The following C8B variants were observed in gnomAD, a reference collection of about 807,000 sequenced individuals.
The protein encoded by C8B is complement C8 beta chain, also known as complement component C8 beta chain.
In C8B, 67 loss-of-function variants were observed where a neutral mutation model predicts 64.6. The ratio of observed to expected loss-of-function variants is 1.04; its 90% CI spans 0.85 to 1.27. The LOEUF is 1.27. C8B is among the 50% of genes most tolerant of loss of function. The pLI is 0.00. For missense variants in C8B, 790 were observed against 725.2 expected (o/e 1.09, Z -1.03); for synonymous variants, 284 against 257.7 (o/e 1.10, Z -0.98).
At chr1:56,953,568 G>C (rs1645057408) in intron 4 of C8B, among the ~76,000 whole-genome samples, 1 of 152,222 alleles carries the variant, frequency 6.6e-6, no homozygotes, top group African/African-American at 2.4e-5. Context: ...AGTGGAGCAA[G>C]AACAGAGTCT....
intron 3 of C8B, among the ~76,000 whole-genome samples, chr1:56,956,083 C>T (rs567157252): frequency 1.1e-3 from 174 of 152,068 alleles, no homozygotes; most frequent in African/African-American, 4.0e-3. Flanking sequence ...ATAATTTTTA[C>T]CGGGTATATC....
Position 56,956,745 on chromosome 1 carries a change from T to C in C8B, c.391+24A>G, listed in dbSNP as rs368854622. ...CATTACCTCATTTCAGGCTTTCCCC[T>C]CTTACTCCTACATTGATTTATACCT... is the stretch of plus-strand genomic sequence containing the variant. On this transcript the variant is annotated intron_variant, in intron 3 of 11. Transcript: ENST00000371237. 14 of 1,612,648 alleles carry C rather than the reference T, an allele frequency of 8.7e-6. No homozygotes were observed. The African/African-American group carries it at 1.2e-4, about 14-fold the overall frequency.
At chr1:56,949,187 A>G (rs1475552158) in intron 6 of C8B, among the ~76,000 whole-genome samples, 1 of 152,152 alleles carries the variant, frequency 6.6e-6, no homozygotes, top group Non-Finnish European at 1.5e-5. Flanking sequence ...ACAGTTTTGA[A>G]AGGAGGCACC....
In C8B at chr1:56,945,915, G is replaced by A; in HGVS notation, c.1011C>T (p.Phe337=). The A allele has an allele frequency of 6.2e-7, 1 of 1,614,144 alleles. No homozygotes were observed. Among genetic ancestry groups the A allele is most frequent in the Non-Finnish European group, 8.5e-7 (1 of 1,180,026 alleles). The change falls in exon 7 of 12, where the codon TTC becomes TTT. Residue 337 remains phenylalanine (F), a synonymous_variant. Transcript: ENST00000371237. ...TGATGTAGTGGGTCCCAAAATCACG[G>A]AAGAGATCTCTGTATTCCCCGTAGC... ...EYSYGEYRDL[F]RDFGTHYITE... is the part of the protein sequence containing the mutation.
In C8B at chr1:56,938,555, T is replaced by A. The variant is rs1289651661; in HGVS notation, c.1398+2294A>T. On this transcript the variant is annotated intron_variant, in intron 9 of 11. Coordinates refer to ENST00000371237, the MANE Select transcript of C8B (RefSeq NM_000066.4). ...ATGAACATAATTTCAATCTTTTGTG[T>A]TCAAGATCTCTTTATATGTTCATTG... Among the ~76,000 whole-genome samples, 2 of 152,212 alleles carry A rather than the reference T, an allele frequency of 1.3e-5. 1 individual carries two copies. The highest frequency in any genetic ancestry group is 3.8e-4 in the East Asian group (2 of 5,202).
chr1:56,947,981 A>G (rs1644967309), intron 6 of C8B, among the ~76,000 whole-genome samples: 1 of 151,840 alleles, frequency 6.6e-6, no homozygotes, highest in African/African-American at 2.4e-5. Context: ...AAAGAATAAT[A>G]TATTGGCTTT....
At chr1:56,964,669 G>A (rs892112741) in intron 1 of C8B, among the ~76,000 whole-genome samples, 6 of 143,252 alleles carry the variant, frequency 4.2e-5, no homozygotes, top group East Asian at 1.9e-4. Flanking sequence ...TGGCTGCCCC[G>A]TAGCATCTTT....
At chr1:56,958,302 G>T (rs1645130256) in intron 2 of C8B, among the ~76,000 whole-genome samples, 1 of 152,190 alleles carries the variant, frequency 6.6e-6, no homozygotes, top group African/African-American at 2.4e-5. Context: ...AGCCAGGATA[G>T]CAGCCCCTGC....
At chr1:56,960,935 A>G (rs1166626708) in intron 1 of C8B, among the ~76,000 whole-genome samples, 1 of 152,122 alleles carries the variant, frequency 6.6e-6, no homozygotes, top group Non-Finnish European at 1.5e-5. Context: ...ATGGGCTTGG[A>G]TCTCAGGATG....
At chr1:56,937,497 C>T (rs932138778) in intron 9 of C8B, among the ~76,000 whole-genome samples, 5 of 152,082 alleles carry the variant, frequency 3.3e-5, no homozygotes, top group African/African-American at 1.2e-4. Flanking sequence ...TTCCCTTCTG[C>T]CCTGGGCAAT....
In C8B at chr1:56,934,718, C is replaced by G. The variant is rs141886334; in HGVS notation, c.1399-1230G>C. ...AGGCCCCTTGGTGGTCCCATTGTCT[C>G]ACCATTTTGTGGTCAATGAATTGAT... On this transcript the variant is annotated intron_variant, in intron 9 of 11. Transcript: ENST00000371237. Among the ~76,000 whole-genome samples the G allele has an allele frequency of 7.5e-3, 1,146 of 152,198 alleles. 10 individuals carry two copies. Among genetic ancestry groups the G allele is most frequent in the Middle Eastern group, 0.027 (8 of 294 alleles).
At chr1:56,942,443 T>C (rs1048511759) in intron 8 of C8B, among the ~76,000 whole-genome samples, 2 of 152,188 alleles carry the variant, frequency 1.3e-5, no homozygotes, top group African/African-American at 2.4e-5. Flanking sequence ...GGCTCATGCC[T>C]CTAATCCCAG....
At chr1:56,959,688 T>A (rs1306468860) in intron 2 of C8B, 7 of 1,388,248 alleles carry the variant, frequency 5.0e-6, no homozygotes, top group Non-Finnish European at 6.8e-6. Flanking sequence ...GTGAATGGTT[T>A]CCAAGTGGGC....
intron 2 of C8B, among the ~76,000 whole-genome samples, chr1:56,959,115 G>T (rs1415501120): frequency 3.9e-5 from 6 of 152,188 alleles, no homozygotes; most frequent in Admixed American, 2.6e-4. Flanking sequence ...GTGAACTCAA[G>T]AAGCCATTTA....
chr1:56,941,138 C>G, intron 8 of C8B, 126 bp from the exon 9 acceptor site: 1 of 1,051,710 alleles, frequency 9.5e-7, no homozygotes, highest in Non-Finnish European at 1.4e-6. Context: ...GTGGGTGGAC[C>G]AGACACTTCC....
chr1:56,945,722 T>A (rs1644930476), intron 7 of C8B, 99 bp downstream of exon 7: 1 of 1,444,578 alleles, frequency 6.9e-7, no homozygotes, highest in African/African-American at 1.4e-5. Context: ...CAAATGACAC[T>A]GTGAAGGTGT....
intron 7 of C8B, 128 bp downstream of exon 7, chr1:56,945,693 G>C (rs1281505741): frequency 3.4e-6 from 4 of 1,181,060 alleles, no homozygotes; most frequent in East Asian, 2.3e-5. Context: ...CAATCAAAAA[G>C]AAGAGGAAGA....
chr1:56,953,522 CGG>C (rs1645056513), intron 4 of C8B, among the ~76,000 whole-genome samples: 1 of 152,142 alleles, frequency 6.6e-6, no homozygotes, highest in South Asian at 2.1e-4. Context: ...GTCTCCCTGC[CGG>C]GAACAATGGG....
At chr1:56,946,330 T>C (rs144039652) in intron 6 of C8B, among the ~76,000 whole-genome samples, 68 of 152,284 alleles carry the variant, frequency 4.5e-4, no homozygotes, top group African/African-American at 1.6e-3. Context: ...AAAGCAGGCA[T>C]GGCAGGGAGC....
Sources: gnomAD v4.1 joint callset for allele counts (sites outside exome capture counted in the v4.1 genomes callset) on GRCh38, gnomAD v4.1.1 for gene constraint, MANE v1.5 for transcripts, NCBI Gene and HGNC (gene_info 2026-07-23, HGNC 2026-07-21) for gene names.